TPM4: variants seen among roughly 807,000 people sequenced by gnomAD.
The protein encoded by TPM4 is tropomyosin 4.
In TPM4, 17 loss-of-function variants were observed where a neutral mutation model predicts 35.8. That is an observed-to-expected ratio of 0.47 (90% confidence interval 0.32 to 0.71). TPM4 has a LOEUF of 0.71. Ranked by LOEUF, TPM4 falls within the 30% of genes least tolerant of loss-of-function variation. The pLI, the probability that TPM4 is intolerant of heterozygous loss-of-function variation, is 0.03. For synonymous variants in TPM4, 120 were observed against 122.9 expected, an observed-to-expected ratio of 0.98 and a Z score of 0.15; for missense variants, 240 against 320.9, an observed-to-expected ratio of 0.75 and a Z score of 1.93.
At chr19:16,095,646 T>G in intron 7 of TPM4, 1 of 977,446 alleles carries the variant, frequency 1.0e-6, no homozygotes, top group Non-Finnish European at 1.2e-6. Context: ...AAAAAGAAAA[T>G]TATGCCTACA....
chr19:16,071,031 A>C (rs1054557034), intron 2 of TPM4, among the ~76,000 whole-genome samples: 3 of 152,176 alleles, frequency 2.0e-5, no homozygotes, highest in African/African-American at 4.8e-5. Flanking sequence ...AAAAGGAAGA[A>C]TCCTCAAAGC....
chr19:16,101,197 T>C, intron 7 of TPM4, 67 bp from the exon 8 acceptor site: 1 of 1,326,396 alleles, frequency 7.5e-7, no homozygotes, highest in African/African-American at 1.5e-5. Flanking sequence ...AACAAATCTT[T>C]TTTTTTCTTT....
chr19:16,068,012 C>A, intron 2 of TPM4: 1 of 468,148 alleles, frequency 2.1e-6, no homozygotes, highest in South Asian at 2.7e-5. Context: ...TGAGAACGTT[C>A]GTGAGCGAGG....
intron 2 of TPM4, chr19:16,068,012 C>T (rs537416532): frequency 5.3e-5 from 25 of 468,028 alleles, no homozygotes; most frequent in Admixed American, 8.1e-5. Context: ...TGAGAACGTT[C>T]GTGAGCGAGG....
chr19:16,068,011 T>TC (rs1374132274), intron 2 of TPM4: 1 of 474,392 alleles, frequency 2.1e-6, no homozygotes. Context: ...GTGAGAACGT[T>TC]CGTGAGCGAG....
upstream of TPM4, among the ~76,000 whole-genome samples, chr19:16,073,517 C>T (rs952208690): frequency 1.3e-5 from 2 of 152,138 alleles, no homozygotes; most frequent in Admixed American, 6.6e-5. Context: ...GGACGGGGGT[C>T]GCAGAGCTTG....
chr19:16,082,174 T>G, intron 2 of TPM4, 128 bp downstream of exon 2: 1 of 1,282,468 alleles, frequency 7.8e-7, no homozygotes, highest in Non-Finnish European at 1.1e-6. Context: ...CACAAAAAAG[T>G]GCATGACAGC....
At position 16,083,220 on chromosome 19, in the gene TPM4, G is replaced by C. The variant is rs569083395; in HGVS notation, c.266+1174G>C. Among the ~76,000 whole-genome samples the C allele has an allele frequency of 2.6e-5, 4 of 152,236 alleles. No homozygotes were observed. In the East Asian group the frequency reaches 7.7e-4, roughly 29 times the overall value. ...GCACTTTGCGATGACGAGGCGGGTGGATCAACTGAGGTCAGGTGTTTGAGA... is the reference window on the plus strand; with the variant it reads ...GCACTTTGCGATGACGAGGCGGGTGCATCAACTGAGGTCAGGTGTTTGAGA... On this transcript the variant is annotated intron_variant, in intron 2 of 7. Transcript: ENST00000643579.
intron 5 of TPM4, chr19:16,093,195 T>A (rs1031559086): frequency 4.0e-5 from 8 of 199,882 alleles, no homozygotes; most frequent in Admixed American, 2.1e-4. Flanking sequence ...TTTTTGTTGT[T>A]GTTGTTGTTT....
rs1006700897 is a variant in TPM4, at chr19:16,070,526, G to C, written c.114+2788G>C. On this transcript the variant is annotated intron_variant, in intron 2 of 2. Transcript: ENST00000589897. The surrounding 1 kb of genome is among the most constrained non-coding windows in gnomAD (Gnocchi z 7.4). ...CCCGGCAGCTAAAGGCGAAAGCTCG[G>C]AGCTCAGACTGGCCATGTTTGAGTC... Among the ~76,000 whole-genome samples, 1 of 152,172 alleles carries C rather than the reference G, an allele frequency of 6.6e-6. No individual in the cohort carries two copies. Among genetic ancestry groups the C allele is most frequent in the Non-Finnish European group, 1.5e-5 (1 of 68,022 alleles).
At chr19:16,100,102 G>A (rs1245547953) in intron 7 of TPM4, 1 of 152,126 alleles carries the variant, frequency 6.6e-6, no homozygotes, top group Non-Finnish European at 1.5e-5. Flanking sequence ...CACGTCATAG[G>A]TTCTGAAGTA....
chr19:16,089,253 G>C (rs753993184), intron 5 of TPM4, 133 bp downstream of exon 5: 24 of 1,182,546 alleles, frequency 2.0e-5, no homozygotes, highest in African/African-American at 6.2e-5. Flanking sequence ...CTGGCAGCCA[G>C]GGTTTTTCCC....
intron 2 of TPM4, among the ~76,000 whole-genome samples, chr19:16,068,770 T>C (rs1319202914): frequency 6.6e-6 from 1 of 152,098 alleles, no homozygotes. Context: ...TGTGTGAGTG[T>C]ATCTGTGTGT....
chr19:16,088,791 G>A (rs2090590465), intron 4 of TPM4: 2 of 1,251,184 alleles, frequency 1.6e-6, no homozygotes, highest in Non-Finnish European at 2.0e-6. Context: ...CTTGGCAAAA[G>A]ACCAGGAGTG....
upstream of TPM4, chr19:16,075,776 CA>C: frequency 2.7e-6 from 1 of 374,056 alleles, no homozygotes; most frequent in Non-Finnish European, 4.8e-6. Context: ...TTCAGTTTCC[CA>C]AAAGCTGCCA....
At chr19:16,068,290 GC>G (rs1279789449) in intron 2 of TPM4, among the ~76,000 whole-genome samples, 1 of 152,090 alleles carries the variant, frequency 6.6e-6, no homozygotes, top group African/African-American at 2.4e-5. Context: ...CGATTCTCCT[GC>G]CTCAGCCTCC....
At position 16,102,994 on chromosome 19, in the gene TPM4, C is replaced by T. The variant is rs1384719487; in HGVS notation, c.*1648C>T. 2.0e-5 allele frequency: 4 copies of T among 199,664 alleles called. No individual in the cohort carries two copies. Among genetic ancestry groups the T allele is most frequent in the Admixed American group, 1.2e-4 (2 of 16,496 alleles). 12.4% of individuals were successfully genotyped at this position (199,664 alleles called of 1,614,324 possible). On this transcript the variant is annotated 3_prime_UTR_variant, in exon 8 of 8. Coordinates refer to ENST00000643579, the MANE Select transcript of TPM4 (RefSeq NM_003290.3). ...TACATTTTGGTCAAATAAATTTTTA[C>T]ATAAACTACAATTTGCGTGAATTTT...
At chr19:16,081,752 C>G in intron 1 of TPM4, 161 bp from the exon 2 acceptor site, 2 of 914,042 alleles carry the variant, frequency 2.2e-6, no homozygotes, top group Non-Finnish European at 3.0e-6. Context: ...CCGGGAAGAT[C>G]ATACTGAAAT....
At chr19:16,088,622 A>T in intron 4 of TPM4, 1 of 1,034,306 alleles carries the variant, frequency 9.7e-7, no homozygotes, top group Non-Finnish European at 1.2e-6. Flanking sequence ...GAGTGCTGAG[A>T]GAGATCTGGT....
Sources: allele counts gnomAD v4.1 joint callset (sites outside exome capture counted in the v4.1 genomes callset), GRCh38; gene constraint gnomAD v4.1.1; non-coding constraint Gnocchi (gnomAD v3.1); transcripts MANE v1.5; gene names NCBI Gene and HGNC (gene_info 2026-07-23, HGNC 2026-07-21).